CLXN: variants seen among roughly 807,000 people sequenced by gnomAD.
CLXN encodes EF-hand calcium binding domain 1.
the CLXN span, among the ~76,000 whole-genome samples, chr8:48,726,899 A>ATCTATCTATCTC: frequency 6.9e-6 from 1 of 145,364 alleles, no homozygotes; most frequent in Admixed American, 6.9e-5. Context: ...CTATCTATCT[A>ATCTATCTATCTC]TCTATCCACC....
the CLXN span, chr8:48,734,547 T>C: frequency 6.6e-6 from 1 of 152,248 alleles, no homozygotes; most frequent in Non-Finnish European, 1.5e-5. Flanking sequence ...CGTGTTTAGT[T>C]GTGCTGAACT....
the CLXN span, among the ~76,000 whole-genome samples, chr8:48,725,608 A>C: frequency 6.6e-6 from 1 of 152,114 alleles, no homozygotes; most frequent in Admixed American, 6.6e-5. Flanking sequence ...GTTCGAGACC[A>C]GCCTGACCAA....
At chr8:48,718,884 C>T in the CLXN span, among the ~76,000 whole-genome samples, 1 of 151,780 alleles carries the variant, frequency 6.6e-6, no homozygotes, top group South Asian at 2.1e-4. Flanking sequence ...TAACTATACA[C>T]CTCAAAAAAC....
At chr8:48,720,720 C>T in the CLXN span, among the ~76,000 whole-genome samples, 1 of 152,190 alleles carries the variant, frequency 6.6e-6, no homozygotes, top group Admixed American at 6.5e-5. Context: ...GCTTTTTGCC[C>T]TTTGAAGCAT....
chr8:48,735,057 G>A, the CLXN span: 1 of 1,612,870 alleles, frequency 6.2e-7, no homozygotes, highest in Admixed American at 1.7e-5. Context: ...GCTCGGTCCA[G>A]GAGCCTCGGC....
chr8:48,711,829 G>C, the CLXN span: 1 of 152,288 alleles, frequency 6.6e-6, no homozygotes, highest in South Asian at 2.1e-4. Context: ...CACATAGGAC[G>C]TTCCTGATTT....
At chr8:48,726,414 T>TCATC in the CLXN span, among the ~76,000 whole-genome samples, 7 of 129,506 alleles carry the variant, frequency 5.4e-5, no homozygotes, top group South Asian at 1.6e-3. Flanking sequence ...TCTGCTCACC[T>TCATC]CATCCATCCA....
chr8:48,734,742 G>A, the CLXN span: 1 of 226,042 alleles, frequency 4.4e-6, no homozygotes, highest in Non-Finnish European at 8.7e-6. Context: ...CCTTGGTGGT[G>A]CTACTTTTCT....
At chr8:48,713,145 TCTGCC>T in the CLXN span, among the ~76,000 whole-genome samples, 1 of 152,290 alleles carries the variant, frequency 6.6e-6, no homozygotes, top group Admixed American at 6.5e-5. Flanking sequence ...CAAGACACCA[TCTGCC>T]TCAATCCCTG....
the CLXN span, among the ~76,000 whole-genome samples, chr8:48,727,726 A>G: frequency 6.6e-6 from 1 of 152,168 alleles, no homozygotes; most frequent in Non-Finnish European, 1.5e-5. Flanking sequence ...CAGCATTTGC[A>G]TTTTAAACAT....
the CLXN span, chr8:48,714,107 C>T: frequency 6.6e-6 from 1 of 152,224 alleles, no homozygotes; most frequent in Non-Finnish European, 1.5e-5. Context: ...CAGGCAAAGA[C>T]CAAGGTCAGT....
At chr8:48,735,139 T>A in the CLXN span, 6 of 1,614,124 alleles carry the variant, frequency 3.7e-6, no homozygotes, top group Non-Finnish European at 5.1e-6. Flanking sequence ...TTCTGCAGTT[T>A]CTTGCGGTTC....
At chr8:48,731,417 C>A in the CLXN span, 2 of 1,613,522 alleles carry the variant, frequency 1.2e-6, no homozygotes, top group East Asian at 2.2e-5. Context: ...GCATTACGAT[C>A]CAGTCCAACA....
At chr8:48,726,020 C>G in the CLXN span, among the ~76,000 whole-genome samples, 1 of 141,428 alleles carries the variant, frequency 7.1e-6, no homozygotes, top group Non-Finnish European at 1.5e-5. Context: ...TCCATTAATC[C>G]ATCCACCCAT....
the CLXN span, chr8:48,714,121 G>A: frequency 6.6e-6 from 1 of 152,264 alleles, no homozygotes; most frequent in African/African-American, 2.4e-5. Context: ...GGTCAGTCAG[G>A]TTGGCTGTAC....
chr8:48,731,224 A>G, the CLXN span: 25 of 941,334 alleles, frequency 2.7e-5, no homozygotes, highest in Admixed American at 1.9e-4. Flanking sequence ...TTAAATTTGT[A>G]TATTCCAATG....
the CLXN span, chr8:48,729,943 A>T: frequency 6.9e-7 from 1 of 1,447,970 alleles, no homozygotes; most frequent in Admixed American, 2.0e-5. Context: ...TAAACTTTTC[A>T]GGGCCAAGTT....
At chr8:48,734,987 A>T in the CLXN span, 1 of 1,298,938 alleles carries the variant, frequency 7.7e-7, no homozygotes, top group Non-Finnish European at 1.1e-6. Context: ...GGTAGCCCAC[A>T]GAGTCCCAGC....
At chr8:48,725,913 A>T in the CLXN span, among the ~76,000 whole-genome samples, 1 of 152,154 alleles carries the variant, frequency 6.6e-6, no homozygotes, top group East Asian at 1.9e-4. Context: ...GATAAAGGTA[A>T]ATGAATGAAA....
Sources: gnomAD v4.1 joint callset for allele counts (sites outside exome capture counted in the v4.1 genomes callset) on GRCh38, gnomAD v4.1.1 for gene constraint, MANE v1.5 for transcripts, NCBI Gene and HGNC (gene_info 2026-07-23, HGNC 2026-07-21) for gene names.